FHIT: variants seen among roughly 807,000 people sequenced by gnomAD.
The protein encoded by FHIT is fragile histidine triad diadenosine triphosphatase, also known as bis(5'-adenosyl)-triphosphatase.
A neutral mutation model predicts 17.9 loss-of-function variants in FHIT; 19 were observed. That is an observed-to-expected ratio of 1.06 (90% confidence interval 0.74 to 1.56). The LOEUF (loss-of-function observed/expected upper bound fraction) is 1.56. Among genes scored for constraint, FHIT ranks in the 40% most tolerant of loss-of-function variants. The probability of loss-of-function intolerance (pLI) is 0.00; values close to 1 mark genes in which losing one functional copy is unlikely to be tolerated. For missense variants in FHIT, 248 were observed against 189.2 expected (o/e 1.31, Z -1.82); for synonymous variants, 81 against 69.7 (o/e 1.16, Z -0.81).
intron 5 of FHIT, among the ~76,000 whole-genome samples, chr3:60,242,031 C>T (rs1371691952): frequency 1.3e-5 from 2 of 151,972 alleles, no homozygotes; most frequent in Non-Finnish European, 2.9e-5. Context: ...ACAATGCAAT[C>T]ATTATAAAAA....
At chr3:61,133,704 A>G (rs952739200) in intron 2 of FHIT, among the ~76,000 whole-genome samples, 1 of 152,172 alleles carries the variant, frequency 6.6e-6, no homozygotes, top group African/African-American at 2.4e-5. Context: ...CCAGAGGTAG[A>G]ATCCAAGCAA....
intron 4 of FHIT, among the ~76,000 whole-genome samples, chr3:60,703,328 A>G (rs1339130242): frequency 6.6e-6 from 1 of 152,190 alleles, no homozygotes; most frequent in Non-Finnish European, 1.5e-5. Flanking sequence ...AGCTTTCAAA[A>G]CTGACAGACA....
At chr3:60,952,107 T>C (rs775178462) in intron 3 of FHIT, among the ~76,000 whole-genome samples, 2 of 151,216 alleles carry the variant, frequency 1.3e-5, no homozygotes, top group Non-Finnish European at 2.9e-5. Flanking sequence ...CAGAGGTTGG[T>C]GAGCTGAGAT....
intron 2 of FHIT, among the ~76,000 whole-genome samples, chr3:61,124,260 A>G (rs1021758793): frequency 1.3e-5 from 2 of 152,188 alleles, no homozygotes; most frequent in African/African-American, 4.8e-5. Context: ...TGAGTTCAGT[A>G]TTAAGAAATA....
At chr3:60,417,021 G>A (rs1175878694) in intron 5 of FHIT, among the ~76,000 whole-genome samples, 2 of 151,370 alleles carry the variant, frequency 1.3e-5, no homozygotes, top group African/African-American at 2.4e-5. Flanking sequence ...CCTGGGAGGC[G>A]GAGCTTGCAG....
intron 3 of FHIT, among the ~76,000 whole-genome samples, chr3:60,960,547 T>C (rs1709373136): frequency 6.6e-6 from 1 of 152,210 alleles, no homozygotes; most frequent in African/African-American, 2.4e-5. Context: ...ACATTAGGTA[T>C]ATTTCCTAAT....
intron 7 of FHIT, among the ~76,000 whole-genome samples, chr3:59,947,113 T>C (rs1182582011): frequency 2.0e-5 from 3 of 152,218 alleles, no homozygotes; most frequent in Non-Finnish European, 2.9e-5. Context: ...ATATGTCTAG[T>C]AGAATTTGGC....
intron 3 of FHIT, among the ~76,000 whole-genome samples, chr3:60,831,906 G>A (rs1408295036): frequency 3.3e-5 from 5 of 152,212 alleles, no homozygotes; most frequent in African/African-American, 1.2e-4. Flanking sequence ...TAAGATTTAT[G>A]AGACATGATT....
intron 3 of FHIT, among the ~76,000 whole-genome samples, 180 bp downstream of exon 3, chr3:61,041,867 G>T (rs1304608251): frequency 6.6e-6 from 1 of 152,082 alleles, no homozygotes; most frequent in Middle Eastern, 3.2e-3. Context: ...CAAAATCTTT[G>T]TGTAGTTCTT....
chr3:60,214,934 C>T (rs556872131), intron 5 of FHIT, among the ~76,000 whole-genome samples: 1 of 152,208 alleles, frequency 6.6e-6, no homozygotes, highest in South Asian at 2.1e-4. Context: ...CCAAATACAA[C>T]ACCCTCTCAC....
chr3:61,053,545 C>G (rs1013483270), intron 2 of FHIT, among the ~76,000 whole-genome samples: 1 of 152,010 alleles, frequency 6.6e-6, no homozygotes, highest in African/African-American at 2.4e-5. Context: ...GTAATCCCAG[C>G]TACTCAAGAG....
chr3:59,887,657 C>T (rs1292325812), intron 8 of FHIT, among the ~76,000 whole-genome samples: 1 of 152,158 alleles, frequency 6.6e-6, no homozygotes, highest in Non-Finnish European at 1.5e-5. Context: ...GGTGCAATTG[C>T]CCAGAGCTCA....
chr3:60,115,874 CCATATATG>C (rs71627524), intron 5 of FHIT, among the ~76,000 whole-genome samples: 45,599 of 151,566 alleles, frequency 0.3, 7,142 homozygotes, highest in Non-Finnish European at 0.35. Flanking sequence ...AAAGACCTAT[CCATATATG>C]CATATATGCA....
At chr3:61,048,275 T>A in intron 2 of FHIT, among the ~76,000 whole-genome samples, 1 of 151,902 alleles carries the variant, frequency 6.6e-6, no homozygotes, top group Non-Finnish European at 1.5e-5. Context: ...TAAACAAATT[T>A]ACAAGAAAAA....
intron 5 of FHIT, among the ~76,000 whole-genome samples, chr3:60,043,179 C>A (rs1701513762): frequency 6.6e-6 from 1 of 152,232 alleles, no homozygotes; most frequent in Admixed American, 6.5e-5. Context: ...AGCTGCACAG[C>A]ACCCAACTCA....
chr3:60,928,081 T>G (rs1328724488), intron 3 of FHIT, among the ~76,000 whole-genome samples: 1 of 152,094 alleles, frequency 6.6e-6, no homozygotes, highest in African/African-American at 2.4e-5. Flanking sequence ...GTGCAAGATG[T>G]GCTTTATTAA....
At chr3:61,079,289 C>T (rs955163027) in intron 2 of FHIT, among the ~76,000 whole-genome samples, 3 of 152,082 alleles carry the variant, frequency 2.0e-5, no homozygotes, top group Non-Finnish European at 1.5e-5. Context: ...GTATAAGTAG[C>T]CAGTTGTGTT....
At chr3:59,782,533 C>T (rs1702638575) in intron 8 of FHIT, among the ~76,000 whole-genome samples, 1 of 152,128 alleles carries the variant, frequency 6.6e-6, no homozygotes. Context: ...ACACCTCAGC[C>T]CCGCTCTCTC....
intron 5 of FHIT, among the ~76,000 whole-genome samples, chr3:60,385,694 C>T (rs1700980029): frequency 6.6e-6 from 1 of 152,172 alleles, no homozygotes; most frequent in Admixed American, 6.5e-5. Flanking sequence ...ATCCTCCTGC[C>T]TCATCTACCT....
Sources: gnomAD v4.1 joint callset for allele counts (sites outside exome capture counted in the v4.1 genomes callset) on GRCh38, gnomAD v4.1.1 for gene constraint, MANE v1.5 for transcripts, NCBI Gene and HGNC (gene_info 2026-07-23, HGNC 2026-07-21) for gene names.